Variants in FRS2 observed in about 807,000 individuals in gnomAD.
The protein encoded by FRS2 is FGFR signalling adaptor.
A neutral mutation model predicts 43.9 loss-of-function variants in FRS2; 8 were observed. The observed-to-expected ratio is 0.18, with a 90% CI of 0.11 to 0.33. The LOEUF is 0.33. Among genes scored for constraint, FRS2 ranks in the 10% least tolerant of loss-of-function variants. FRS2 has a pLI of 1.00. For missense variants in FRS2, 534 were observed against 627.6 expected (o/e 0.85, Z 1.59); for synonymous variants, 219 against 220.3 (o/e 0.99, Z 0.05).
intron 3 of FRS2, among the ~76,000 whole-genome samples, chr12:69,546,946 C>T (rs749268986): frequency 3.3e-5 from 5 of 151,906 alleles, no homozygotes; most frequent in South Asian, 2.1e-4. Context: ...ACAAAGTAGC[C>T]GAAGGTGGAA....
intron 1 of FRS2, among the ~76,000 whole-genome samples, chr12:69,518,745 T>C (rs1875311991): frequency 7.1e-6 from 1 of 141,766 alleles, no homozygotes; most frequent in Non-Finnish European, 1.5e-5. Flanking sequence ...CCAGGCACAG[T>C]GGCTCATGCC....
In FRS2 at chr12:69,574,737, A is replaced by G. The variant is rs777663604; in HGVS notation, c.1309A>G (p.Ile437Val). The change falls in exon 9 of 9, where the codon ATA becomes GTA. Residue 437 changes from isoleucine to valine, a missense_variant. Coordinates refer to ENST00000549921, the MANE Select transcript of FRS2 (RefSeq NM_001278356.2). ...PSLEHRQLNY[I>V]QVDLEGGSDS... ...TTTAGAACACAGGCAGCTTAATTAC[A>G]TACAGGTTGACTTGGAAGGTGGCAG... The G allele has an allele frequency of 3.1e-6, 5 of 1,614,240 alleles. No homozygotes were observed. The Admixed American group carries it at 6.7e-5, about 22-fold the overall frequency.
chr12:69,486,017 G>A (rs1050284273), intron 1 of FRS2, among the ~76,000 whole-genome samples: 2 of 152,034 alleles, frequency 1.3e-5, no homozygotes, highest in Admixed American at 6.6e-5. Flanking sequence ...TTGTAGATGG[G>A]TACTTTGATT....
intron 1 of FRS2, among the ~76,000 whole-genome samples, chr12:69,490,174 T>C (rs1378560793): frequency 6.6e-6 from 1 of 152,172 alleles, no homozygotes; most frequent in Non-Finnish European, 1.5e-5. Flanking sequence ...TATAATGAAA[T>C]AGATTGTTTG....
intron 1 of FRS2, among the ~76,000 whole-genome samples, chr12:69,504,141 C>A (rs1007513619): frequency 6.6e-6 from 1 of 152,136 alleles, no homozygotes; most frequent in Non-Finnish European, 1.5e-5. Flanking sequence ...TCTGATGGAG[C>A]TTTCATTCCG....
intron 3 of FRS2, among the ~76,000 whole-genome samples, chr12:69,556,175 A>G (rs1350076545): frequency 6.6e-6 from 1 of 152,236 alleles, no homozygotes; most frequent in African/African-American, 2.4e-5. Context: ...TACTGGGATT[A>G]CAGGCGTAAG....
chr12:69,555,840 G>A (rs867380560), intron 3 of FRS2, among the ~76,000 whole-genome samples: 12 of 152,178 alleles, frequency 7.9e-5, no homozygotes, highest in African/African-American at 2.4e-4. Flanking sequence ...TGCTCTAGAA[G>A]TAGAGAATAA....
intron 1 of FRS2, among the ~76,000 whole-genome samples, chr12:69,506,354 G>T (rs1873926504): frequency 6.6e-6 from 1 of 152,084 alleles, no homozygotes; most frequent in Non-Finnish European, 1.5e-5. Flanking sequence ...TAATTGGTTT[G>T]ATCCTGGATC....
At position 69,543,625 on chromosome 12, in the gene FRS2, A is replaced by G. The variant is rs79678493; in HGVS notation, c.-122+11569A>G. Among the ~76,000 whole-genome samples, 1,444 of 152,264 alleles carry G rather than the reference A, an allele frequency of 9.5e-3. 13 individuals are homozygous for G. Among genetic ancestry groups the G allele is most frequent in the South Asian group, 0.025 (120 of 4,818 alleles). On this transcript the variant is annotated intron_variant, in intron 3 of 8. Transcript: ENST00000549921. ...TGGGCTAGTGGGTAAGGGTTTATCT[A>G]TTTCATATGTAGTGTGCTCAGGAAA...
chr12:69,569,947 C>T (rs898658311), intron 5 of FRS2, among the ~76,000 whole-genome samples: 1 of 152,128 alleles, frequency 6.6e-6, no homozygotes, highest in African/African-American at 2.4e-5. Context: ...TATCTCCTGA[C>T]CCACTAGATT....
intron 3 of FRS2, among the ~76,000 whole-genome samples, chr12:69,535,435 A>G (rs1295254797): frequency 6.6e-6 from 1 of 152,230 alleles, no homozygotes; most frequent in Non-Finnish European, 1.5e-5. Context: ...TAGCTTGAAC[A>G]GTGGCAGCCC....
intron 3 of FRS2, among the ~76,000 whole-genome samples, chr12:69,561,389 A>C (rs1200835341): frequency 6.6e-6 from 1 of 152,222 alleles, no homozygotes; most frequent in African/African-American, 2.4e-5. Flanking sequence ...TTTGGCTATC[A>C]ATCATATTCT....
At position 69,559,927 on chromosome 12, in the gene FRS2, C is replaced by CT; in HGVS notation, c.-121-2250dup. 1.3e-5 allele frequency among the ~76,000 whole-genome samples: 2 copies of CT among 152,226 alleles called. 1 individual carries two copies. Among genetic ancestry groups the CT allele is most frequent in the Middle Eastern group, 6.8e-3 (2 of 294 alleles). On this transcript the variant is annotated intron_variant, in intron 3 of 8. Transcript: ENST00000549921. ...TGCTATGCTTCTAACTATAGACATT[C>CT]TTTCCTGGTTGTATTTGAACAAAAT...
chr12:69,496,998 A>G (rs968653937), intron 1 of FRS2, among the ~76,000 whole-genome samples: 2 of 152,236 alleles, frequency 1.3e-5, no homozygotes, highest in African/African-American at 4.8e-5. Flanking sequence ...AAGATATAAA[A>G]TGGATGATAT....
At chr12:69,480,835 C>T (rs559517888) in intron 1 of FRS2, among the ~76,000 whole-genome samples, 2 of 152,120 alleles carry the variant, frequency 1.3e-5, no homozygotes, top group African/African-American at 4.8e-5. Flanking sequence ...GAAGTCTTTG[C>T]AGACATGATT....
At chr12:69,493,082 G>C (rs1180186596) in intron 1 of FRS2, among the ~76,000 whole-genome samples, 1 of 152,152 alleles carries the variant, frequency 6.6e-6, no homozygotes, top group Non-Finnish European at 1.5e-5. Context: ...GCTTTAGAAA[G>C]AGATCTTAAA....
intron 1 of FRS2, among the ~76,000 whole-genome samples, chr12:69,493,913 C>G (rs943494147): frequency 6.6e-6 from 1 of 152,136 alleles, no homozygotes; most frequent in Non-Finnish European, 1.5e-5. Flanking sequence ...ACTATTTCAT[C>G]TGCATTCCAT....
At chr12:69,559,490 G>A (rs552140546) in intron 3 of FRS2, among the ~76,000 whole-genome samples, 1 of 152,044 alleles carries the variant, frequency 6.6e-6, no homozygotes, top group Non-Finnish European at 1.5e-5. Flanking sequence ...TTAGGAATGT[G>A]CAAATACAAC....
intron 3 of FRS2, among the ~76,000 whole-genome samples, chr12:69,547,975 T>A (rs1878562095): frequency 6.6e-6 from 1 of 151,648 alleles, no homozygotes; most frequent in Admixed American, 6.6e-5. Context: ...AATAAATAAG[T>A]AGCTAGGACT....
Sources: gnomAD v4.1 joint callset for allele counts (sites outside exome capture counted in the v4.1 genomes callset) on GRCh38, gnomAD v4.1.1 for gene constraint, MANE v1.5 for transcripts, NCBI Gene and HGNC (gene_info 2026-07-23, HGNC 2026-07-21) for gene names.